The following PKD1L1 variants were observed in gnomAD, a reference collection of about 807,000 sequenced individuals.
PKD1L1 encodes polycystin 1 like 1, transient receptor potential channel interacting.
In PKD1L1, 236 loss-of-function variants were observed where a neutral mutation model predicts 323.4. That is an observed-to-expected ratio of 0.73 (90% CI 0.66 to 0.81). The LOEUF is 0.81. Among genes scored for constraint, PKD1L1 ranks in the 40% least tolerant of loss-of-function variants. PKD1L1 has a pLI of 0.00. For synonymous variants in PKD1L1, 1,344 were observed against 1,335.0 expected, an observed-to-expected ratio of 1.01 and a Z score of -0.15; for missense variants, 3,320 against 3,508.0, an observed-to-expected ratio of 0.95 and a Z score of 1.35.
chr7:47,906,814 G>T (rs1185430780), intron 9 of PKD1L1, among the ~76,000 whole-genome samples: 1 of 151,820 alleles, frequency 6.6e-6, no homozygotes, highest in African/African-American at 2.4e-5. Flanking sequence ...ACTAAAAATA[G>T]ATATATGATA....
chr7:47,927,726 T>A (rs1434344372), intron 7 of PKD1L1, among the ~76,000 whole-genome samples: 1 of 152,222 alleles, frequency 6.6e-6, no homozygotes, highest in African/African-American at 2.4e-5. Flanking sequence ...TTTTTACCTA[T>A]CATATTGATC....
At position 47,820,954 on chromosome 7, in the gene PKD1L1, A is replaced by T. The variant is rs1377922393; in HGVS notation, c.6965+122T>A. 8.2e-6 allele frequency: 5 copies of T among 613,264 alleles called. No individual in the cohort carries two copies. The African/African-American group carries it at 9.1e-5, about 11-fold the overall frequency. 38.0% of individuals were successfully genotyped at this position (613,264 alleles called of 1,614,324 possible). A position where few individuals can be genotyped will look rare whatever the true frequency, so the allele number is the denominator to read the frequency against. ...AATGGAAGGGGGTTTTATTACTACC[A>T]GGGAAATGGTGACAATCTTTCCAGT... On this transcript the variant is annotated intron_variant, in intron 46 of 56. Coordinates refer to ENST00000289672, the MANE Select transcript of PKD1L1 (RefSeq NM_138295.5).
rs1328062372 is a variant in PKD1L1, at chr7:47,857,709, C to A, written c.4486G>T (p.Ala1496Ser). The part of the protein sequence containing the change: ...SVQVHLPGDL[A>S]GHSPAGAETQ... ...TCCGCCCCAGCAGGACTGTGCCCAG[C>A]AAGGTCACCAGGTAAATGCACCTGG... Residue 1496 changes from alanine to serine, a missense_variant, in exon 28 of 57, where the codon GCT (alanine) becomes TCT (serine). By Grantham distance (99) the Ala-to-Ser change is moderately conservative. Coordinates refer to ENST00000289672, the MANE Select transcript of PKD1L1 (RefSeq NM_138295.5). 5 of 1,614,030 alleles carry A rather than the reference C, an allele frequency of 3.1e-6. No individual in the cohort carries two copies. Among genetic ancestry groups the A allele is most frequent in the African/African-American group, 2.7e-5 (2 of 74,984 alleles).
rs1032159534 is a variant in PKD1L1, at chr7:47,837,131, G to C, written c.5770-37C>G. 8 of 1,605,714 alleles carry C rather than the reference G, an allele frequency of 5.0e-6. No homozygotes were observed. In the African/African-American group the frequency reaches 1.1e-4, roughly 21 times the overall value. ...AGCAGGAGAAGTGTTCCCTGACATGGAGCATTTCTGTCAGCAAAGCAAAGT... is the reference window on the plus strand; with the variant it reads ...AGCAGGAGAAGTGTTCCCTGACATGCAGCATTTCTGTCAGCAAAGCAAAGT... On this transcript the variant is annotated intron_variant, in intron 36 of 56. Coordinates refer to ENST00000289672, the MANE Select transcript of PKD1L1 (RefSeq NM_138295.5).
At chr7:47,862,720 G>A (rs1211004475) in intron 26 of PKD1L1, among the ~76,000 whole-genome samples, 1 of 152,156 alleles carries the variant, frequency 6.6e-6, no homozygotes. Flanking sequence ...TATTTGAAAA[G>A]CCAAGGGGAG....
At chr7:47,783,088 C>T (rs571669755) in intron 56 of PKD1L1, among the ~76,000 whole-genome samples, 1 of 152,184 alleles carries the variant, frequency 6.6e-6, no homozygotes, top group East Asian at 1.9e-4. Flanking sequence ...TACATTCCTG[C>T]GTTCTGTAAC....
chr7:47,847,766 T>C (rs188520012), intron 31 of PKD1L1, among the ~76,000 whole-genome samples: 81 of 152,226 alleles, frequency 5.3e-4, no homozygotes, highest in African/African-American at 1.8e-3. Context: ...AAAAACAAAC[T>C]GCACAAGTAC....
chr7:47,780,570 T>G (rs1476973166), intron 56 of PKD1L1, among the ~76,000 whole-genome samples: 1 of 151,714 alleles, frequency 6.6e-6, no homozygotes, highest in Non-Finnish European at 1.5e-5. Flanking sequence ...AGGTGGAGGT[T>G]GTAGTGAGCC....
intron 26 of PKD1L1, among the ~76,000 whole-genome samples, chr7:47,864,614 T>TTCTA (rs1562964048): frequency 7.0e-6 from 1 of 143,744 alleles, no homozygotes; most frequent in Non-Finnish European, 1.5e-5. Flanking sequence ...CTTTCTTTCT[T>TTCTA]TCTTTCTTTC....
intron 13 of PKD1L1, among the ~76,000 whole-genome samples, chr7:47,900,839 C>T (rs1427448818): frequency 6.6e-6 from 1 of 152,150 alleles, no homozygotes; most frequent in Non-Finnish European, 1.5e-5. Flanking sequence ...AGTAAGACAT[C>T]ATTAAAATTA....
chr7:47,782,265 ATTTC>A (rs1786715355), intron 56 of PKD1L1, among the ~76,000 whole-genome samples: 1 of 152,128 alleles, frequency 6.6e-6, no homozygotes, highest in Non-Finnish European at 1.5e-5. Flanking sequence ...GTCAGTGCAT[ATTTC>A]TAAACTTTAA....
In PKD1L1 at chr7:47,781,170, T is replaced by C. The variant is rs146374911; in HGVS notation, c.8527-6004A>G. Among the ~76,000 whole-genome samples the C allele has an allele frequency of 1.4e-3, 219 of 152,332 alleles. 4 individuals carry two copies. The East Asian group carries it at 0.034, about 24-fold the overall frequency. On this transcript the variant is annotated intron_variant, in intron 56 of 56. Transcript: ENST00000289672. Reference sequence around the variant, plus strand: ...GGCTAGTGATAGTCACATCTTTTCATGTGTTTGCCATCTGTACATCTTCTT... The same window carrying C: ...GGCTAGTGATAGTCACATCTTTTCACGTGTTTGCCATCTGTACATCTTCTT...
At position 47,836,932 on chromosome 7, in the gene PKD1L1, C is replaced by T. The variant is rs1785469984; in HGVS notation, c.5932G>A (p.Gly1978Arg). The T allele has an allele frequency of 6.2e-7, 1 of 1,613,810 alleles. No individual in the cohort carries two copies. Among genetic ancestry groups the T allele is most frequent in the Non-Finnish European group, 8.5e-7 (1 of 1,179,930 alleles). Residue 1978 changes from glycine (G) to arginine (R), a missense_variant, in exon 37 of 57, where the codon GGG (glycine) becomes AGG (arginine). Transcript: ENST00000289672. Reference protein sequence around the residue: ...ACLTALVAAGGQEQPHLDVSP... With the variant: ...ACLTALVAAGRQEQPHLDVSP... ...GCGATGGCTCTCACCTGCTCTTGCC[C>T]TCCAGCAGCAACCAGGGCAGTGAGA...
intron 24 of PKD1L1, among the ~76,000 whole-genome samples, chr7:47,868,759 C>T (rs969165343): frequency 3.3e-5 from 5 of 152,114 alleles, no homozygotes; most frequent in Non-Finnish European, 5.9e-5. Flanking sequence ...CCTGTAATAC[C>T]AGCTACTTCA....
chr7:47,831,397 G>T, intron 41 of PKD1L1, 45 bp from the exon 42 acceptor site: 1 of 1,575,342 alleles, frequency 6.3e-7, no homozygotes, highest in Non-Finnish European at 8.6e-7. Context: ...AGAGACCTCG[G>T]CATCTCCATC....
rs200949279 is a variant in PKD1L1, at chr7:47,886,020, C to T, written c.2871G>A (p.Ser957=). ...PFCRVVGLLG[S]LGLGAISESS... is the part of the protein sequence containing the mutation. ...ACTCTGAAATGGCACCGAGTCCCAGCGAGCCAAGCAGCCCCACTACTCTGC... is the reference window on the plus strand; with the variant it reads ...ACTCTGAAATGGCACCGAGTCCCAGTGAGCCAAGCAGCCCCACTACTCTGC... Residue 957 remains serine (S), a synonymous_variant, in exon 18 of 57, where the codon TCG becomes TCA. Transcript: ENST00000289672. The T allele has an allele frequency of 2.2e-4, 349 of 1,613,836 alleles. 1 individual carries two copies. The highest frequency in any genetic ancestry group is 6.7e-5 in the East Asian group (3 of 44,904).
chr7:47,894,158 G>T, intron 14 of PKD1L1, 99 bp from the exon 15 acceptor site: 3 of 1,091,948 alleles, frequency 2.7e-6, no homozygotes, highest in Non-Finnish European at 3.9e-6. Context: ...AAGCCGACGA[G>T]TCTCAACGCA....
intron 20 of PKD1L1, 95 bp from the exon 21 acceptor site, chr7:47,880,900 C>A: frequency 1.0e-6 from 1 of 963,248 alleles, no homozygotes. Context: ...ACTCTTCCCC[C>A]AGGGGTGAAA....
intron 5 of PKD1L1, 108 bp downstream of exon 5, chr7:47,931,828 A>C: frequency 7.3e-7 from 1 of 1,363,718 alleles, no homozygotes; most frequent in Non-Finnish European, 9.9e-7. Context: ...AATATGGTTC[A>C]CTGACAAACT....
Sources: allele counts gnomAD v4.1 joint callset (sites outside exome capture counted in the v4.1 genomes callset), GRCh38; gene constraint gnomAD v4.1.1; transcripts MANE v1.5; gene names NCBI Gene and HGNC (gene_info 2026-07-23, HGNC 2026-07-21).